IL1RAPL1: variants seen among roughly 807,000 people sequenced by gnomAD.
The protein encoded by IL1RAPL1 is interleukin 1 receptor accessory protein like 1.
Under a neutral mutation model 48.4 loss-of-function variants are expected in IL1RAPL1, and 3 were observed. The ratio of observed to expected loss-of-function variants is 0.06; its 90% CI spans 0.03 to 0.16. The LOEUF is 0.16. Ranked by LOEUF, IL1RAPL1 falls within the 10% of genes least tolerant of loss-of-function variation. The pLI is 1.00. For synonymous variants in IL1RAPL1, 185 were observed against 187.7 expected (o/e 0.99, Z 0.12); for missense variants, 349 against 530.6 (o/e 0.66, Z 3.36).
intron 2 of IL1RAPL1, among the ~76,000 whole-genome samples, chrX:29,123,153 C>T (rs1025492135): frequency 9.1e-6 from 1 of 109,709 alleles, no homozygotes; most frequent in African/African-American, 3.3e-5. Context: ...CCTCAGCCTC[C>T]CAAGTAGCTG....
intron 5 of IL1RAPL1, among the ~76,000 whole-genome samples, chrX:29,661,523 C>T (rs1925847936): frequency 8.9e-6 from 1 of 112,072 alleles, no homozygotes; most frequent in Admixed American, 9.4e-5. Flanking sequence ...TTTCCAAGAC[C>T]ACTTCCCTTT....
chrX:29,399,594 G>T (rs1220047814), intron 5 of IL1RAPL1, among the ~76,000 whole-genome samples: 1 of 111,333 alleles, frequency 9.0e-6, no homozygotes, highest in East Asian at 2.8e-4. Flanking sequence ...GCCAAGGTGG[G>T]CGAATCACGA....
At chrX:29,403,519 G>T (rs1934019792) in intron 5 of IL1RAPL1, among the ~76,000 whole-genome samples, 1 of 111,503 alleles carries the variant, frequency 9.0e-6, no homozygotes, top group African/African-American at 3.3e-5. Context: ...ATACCTTCAT[G>T]TTGAGAGTAC....
chrX:29,828,084 A>G (rs1930781024), intron 6 of IL1RAPL1, among the ~76,000 whole-genome samples: 1 of 111,842 alleles, frequency 8.9e-6, no homozygotes, highest in South Asian at 3.8e-4. Flanking sequence ...TTCCAGACAA[A>G]GGGAGCAGGA....
intron 2 of IL1RAPL1, among the ~76,000 whole-genome samples, chrX:29,245,288 C>T (rs1281369801): frequency 9.0e-6 from 1 of 111,246 alleles, no homozygotes; most frequent in East Asian, 2.8e-4. Context: ...TGGGTATATA[C>T]CCAGTAATGG....
At chrX:29,333,526 C>T (rs1602177062) in intron 3 of IL1RAPL1, among the ~76,000 whole-genome samples, 1 of 92,998 alleles carries the variant, frequency 1.1e-5, no homozygotes, top group Admixed American at 1.1e-4. Context: ...GCTGGCCAGG[C>T]GGGGGGCTGA....
intron 5 of IL1RAPL1, among the ~76,000 whole-genome samples, chrX:29,564,747 A>G (rs1922343735): frequency 1.8e-5 from 2 of 112,997 alleles, no homozygotes; most frequent in African/African-American, 6.4e-5. Context: ...AAGGAGGCTG[A>G]GTTAGCAAAT....
chrX:28,976,818 G>A (rs1277527075), intron 2 of IL1RAPL1, among the ~76,000 whole-genome samples: 2 of 111,703 alleles, frequency 1.8e-5, no homozygotes, highest in Non-Finnish European at 3.8e-5. Flanking sequence ...AAGGATAGAA[G>A]TCAAGAAGAA....
At chrX:29,807,349 T>C (rs1002589309) in intron 6 of IL1RAPL1, among the ~76,000 whole-genome samples, 2 of 109,569 alleles carry the variant, frequency 1.8e-5, no homozygotes, top group African/African-American at 6.6e-5. Context: ...GCATGGTGGC[T>C]CACGCCTGTA....
intron 1 of IL1RAPL1, among the ~76,000 whole-genome samples, chrX:28,758,718 T>C (rs1936132354): frequency 8.9e-6 from 1 of 111,829 alleles, no homozygotes; most frequent in Admixed American, 9.5e-5. Flanking sequence ...AACCTATTCT[T>C]TTTTTCTGGT....
chrX:29,290,457 A>G (rs1036805613), intron 3 of IL1RAPL1, among the ~76,000 whole-genome samples: 6 of 112,370 alleles, frequency 5.3e-5, no homozygotes. Flanking sequence ...TTGAAATTCA[A>G]TATTTTCATT....
intron 2 of IL1RAPL1, among the ~76,000 whole-genome samples, chrX:29,238,790 C>G (rs1245979496): frequency 1.8e-5 from 2 of 112,404 alleles, no homozygotes; most frequent in Non-Finnish European, 3.8e-5. Context: ...AGCACTGGAT[C>G]TGTTTCAGGT....
At position 29,920,012 on chromosome X, in the gene IL1RAPL1, A is replaced by G. The variant is rs1270298318; in HGVS notation, c.975A>G (p.Glu325=). ...VSISLIVDSV[E]EGDLGNYSCY... is the part of the protein sequence containing the mutation. ...TCTCATTAATTGTGGACTCTGTGGA[A>G]GAAGGTGACTTGGGAAATTACTCCT... is the stretch of plus-strand genomic sequence containing the variant. Residue 325 remains glutamate (E), a synonymous_variant, in exon 8 of 11, where the codon GAA becomes GAG. Coordinates refer to ENST00000378993, the MANE Select transcript of IL1RAPL1 (RefSeq NM_014271.4). 1.7e-6 allele frequency: 2 copies of G among 1,208,350 alleles called. No individual in the cohort carries two copies. Among genetic ancestry groups the G allele is most frequent in the African/African-American group, 3.5e-5 (2 of 57,182 alleles).
rs185104303 is a variant in IL1RAPL1, at chrX:29,736,891, G to A, written c.778+68387G>A. On this transcript the variant is annotated intron_variant, in intron 6 of 10. Coordinates refer to ENST00000378993, the MANE Select transcript of IL1RAPL1 (RefSeq NM_014271.4). ...GGACAAGTGCTTAAAAAATATGCAC[G>A]TATCTTAAAGATTCTATAAGAAACT... is the stretch of plus-strand genomic sequence containing the variant. 1.9e-3 allele frequency among the ~76,000 whole-genome samples: 208 copies of A among 111,413 alleles called. 2 individuals are homozygous for A. The highest frequency in any genetic ancestry group is 2.8e-3 in the Non-Finnish European group (149 of 53,069).
chrX:29,581,876 A>G (rs193281114), intron 5 of IL1RAPL1, among the ~76,000 whole-genome samples: 9 of 111,536 alleles, frequency 8.1e-5, no homozygotes, highest in African/African-American at 2.9e-4. Flanking sequence ...ACAGTAAGAG[A>G]GAGCACCATC....
At chrX:29,338,602 T>C (rs1448603248) in intron 3 of IL1RAPL1, among the ~76,000 whole-genome samples, 1 of 111,596 alleles carries the variant, frequency 9.0e-6, no homozygotes, top group Non-Finnish European at 1.9e-5. Flanking sequence ...AGCACTCCAG[T>C]GGTAGGACTG....
In IL1RAPL1 at chrX:28,946,469, T is replaced by C. The variant is rs112848138; in HGVS notation, c.82+157044T>C. On this transcript the variant is annotated intron_variant, in intron 2 of 10. Transcript: ENST00000378993. ...ACCCCTCACTTTCTCATTCATATTA[T>C]GAAGATTAAAATATGCAAAAATATT... Among the ~76,000 whole-genome samples the C allele has an allele frequency of 1.7e-3, 187 of 111,173 alleles. 1 individual carries two copies. The highest frequency in any genetic ancestry group is 9.4e-3 in the Middle Eastern group (2 of 213).
At chrX:29,157,400 A>C in intron 2 of IL1RAPL1, among the ~76,000 whole-genome samples, 1 of 112,048 alleles carries the variant, frequency 8.9e-6, no homozygotes, top group Non-Finnish European at 1.9e-5. Context: ...GTAATTCAGT[A>C]ATAAGGGAAA....
chrX:28,641,509 G>C (rs1309982484), intron 1 of IL1RAPL1, among the ~76,000 whole-genome samples: 1 of 111,574 alleles, frequency 9.0e-6, no homozygotes, highest in Non-Finnish European at 1.9e-5. Context: ...AGTGTGAATA[G>C]TGCGTGCTGC....
Sources: gnomAD v4.1 joint callset for allele counts (sites outside exome capture counted in the v4.1 genomes callset) on GRCh38, gnomAD v4.1.1 for gene constraint, MANE v1.5 for transcripts, NCBI Gene and HGNC (gene_info 2026-07-23, HGNC 2026-07-21) for gene names.